The following RHOBTB3 variants were observed in gnomAD, a reference collection of about 807,000 sequenced individuals.
RHOBTB3 encodes the protein rho-related BTB domain-containing protein 3.
In RHOBTB3, 47 loss-of-function variants were observed where a neutral mutation model predicts 67.2. That is an observed-to-expected ratio of 0.70 (90% CI 0.55 to 0.89). RHOBTB3 has a LOEUF of 0.89. Ranked by LOEUF, RHOBTB3 falls within the 40% of genes least tolerant of loss-of-function variation. RHOBTB3 has a pLI of 0.00. For missense variants in RHOBTB3, 631 were observed against 750.0 expected (o/e 0.84, Z 1.85); for synonymous variants, 273 against 274.2 (o/e 1.00, Z 0.04).
chr5:95,746,016 A>G (rs1400326090), intron 3 of RHOBTB3, among the ~76,000 whole-genome samples: 7 of 152,204 alleles, frequency 4.6e-5, no homozygotes, highest in Non-Finnish European at 7.3e-5. Flanking sequence ...GATAAAGGGT[A>G]GGTAGCTAAG....
chr5:95,783,732 GGTGTTTA>G, intron 9 of RHOBTB3, 58 bp from the exon 10 acceptor site: 1 of 1,351,314 alleles, frequency 7.4e-7, no homozygotes, highest in Non-Finnish European at 1.0e-6. Flanking sequence ...GTTGGTGGGG[GGTGTTTA>G]GATCATTAAA....
At chr5:95,729,733 T>G (rs1272704089), upstream of RHOBTB3, among the ~76,000 whole-genome samples, 1 of 152,214 alleles carries the variant, frequency 6.6e-6, no homozygotes, top group Non-Finnish European at 1.5e-5. Context: ...TCTAAGAGTT[T>G]GACTACTTTA....
chr5:95,732,934 C>T (rs1478766045), intron 2 of RHOBTB3, among the ~76,000 whole-genome samples: 2 of 151,978 alleles, frequency 1.3e-5, no homozygotes, highest in Non-Finnish European at 2.9e-5. Context: ...TATGTTTCAG[C>T]TAAATGTTAC....
chr5:95,729,543 T>C (rs912295829), upstream of RHOBTB3, among the ~76,000 whole-genome samples: 16 of 152,368 alleles, frequency 1.1e-4, no homozygotes, highest in African/African-American at 2.6e-4. Flanking sequence ...CTCTAGTGTT[T>C]AGTTAACAAT....
intron 9 of RHOBTB3, among the ~76,000 whole-genome samples, chr5:95,780,865 T>TGA (rs1040933526): frequency 3.3e-5 from 5 of 152,328 alleles, no homozygotes; most frequent in African/African-American, 1.2e-4. Context: ...TTCAATATTC[T>TGA]GAGACTTTTT....
At chr5:95,789,839 T>G (rs1260498806) in intron 11 of RHOBTB3, among the ~76,000 whole-genome samples, 1 of 152,216 alleles carries the variant, frequency 6.6e-6, no homozygotes, top group Non-Finnish European at 1.5e-5. Flanking sequence ...TAAAAAAGAC[T>G]CTGCTGGTAA....
intron 8 of RHOBTB3, among the ~76,000 whole-genome samples, chr5:95,773,137 A>G (rs1244417765): frequency 2.0e-5 from 3 of 152,236 alleles, no homozygotes; most frequent in East Asian, 3.8e-4. Flanking sequence ...GTCATATTAA[A>G]AAAGAGAGAT....
At chr5:95,767,783 G>A (rs1745591587) in intron 7 of RHOBTB3, 1 of 701,708 alleles carries the variant, frequency 1.4e-6, no homozygotes, top group African/African-American at 1.7e-5. Flanking sequence ...GGACCTTGCA[G>A]CTTCTCAGCA....
At chr5:95,726,963 C>T (rs1046593455), upstream of RHOBTB3, among the ~76,000 whole-genome samples, 3 of 151,928 alleles carry the variant, frequency 2.0e-5, no homozygotes, top group African/African-American at 4.8e-5. Flanking sequence ...TTCGTTTCCC[C>T]CCTTTTTTTT....
At chr5:95,753,094 T>A (rs1271627687) in intron 5 of RHOBTB3, among the ~76,000 whole-genome samples, 2 of 151,790 alleles carry the variant, frequency 1.3e-5, no homozygotes, top group Non-Finnish European at 2.9e-5. Context: ...ATTGTGCCAC[T>A]GCACTGCACT....
Position 95,783,583 on chromosome 5 carries a change from AAAG to A in RHOBTB3, c.1457-202_1457-200del, listed in dbSNP as rs1393367233. 233 of 241,140 alleles carry A rather than the reference AAAG, an allele frequency of 9.7e-4. 1 individual carries two copies. The highest frequency in any genetic ancestry group is 5.1e-3 in the African/African-American group (206 of 40,492). The allele number at this position is 241,140 out of a possible 1,614,324, so 14.9% of individuals were successfully genotyped here. A position where few individuals can be genotyped will look rare whatever the true frequency, so the allele number is the denominator to read the frequency against. ...CTACAAAAAAAAAAAAAAAAAAAAA[AAAG>A]AAGAAGAAGAAAGGAAAGAAAAAAA... On this transcript the variant is annotated intron_variant, in intron 9 of 11. Coordinates refer to ENST00000379982, the MANE Select transcript of RHOBTB3 (RefSeq NM_014899.4).
intron 2 of RHOBTB3, among the ~76,000 whole-genome samples, chr5:95,733,926 C>T (rs555885866): frequency 6.6e-6 from 1 of 152,188 alleles, no homozygotes; most frequent in East Asian, 1.9e-4. Flanking sequence ...TCCCACATTG[C>T]CATTTCAGGT....
At chr5:95,754,116 G>C (rs1158426595) in intron 5 of RHOBTB3, among the ~76,000 whole-genome samples, 1 of 152,032 alleles carries the variant, frequency 6.6e-6, no homozygotes, top group African/African-American at 2.4e-5. Flanking sequence ...GAAAAGAAAA[G>C]AAAAATCTCT....
At chr5:95,758,452 G>A (rs778739211) in intron 6 of RHOBTB3, among the ~76,000 whole-genome samples, 22 of 152,346 alleles carry the variant, frequency 1.4e-4, no homozygotes, top group Non-Finnish European at 2.8e-4. Flanking sequence ...TAGAGTGAAA[G>A]GTGATGGCTG....
chr5:95,745,318 A>G (rs935876941), intron 3 of RHOBTB3, among the ~76,000 whole-genome samples: 10 of 152,096 alleles, frequency 6.6e-5, no homozygotes, highest in Admixed American at 5.2e-4. Flanking sequence ...ATTTTTGACA[A>G]CTTTGACCCT....
chr5:95,770,612 CT>C, intron 8 of RHOBTB3: 1 of 471,368 alleles, frequency 2.1e-6, no homozygotes, highest in Non-Finnish European at 4.3e-6. Flanking sequence ...TGGGTGGCTT[CT>C]CCATTAATTA....
At chr5:95,766,946 C>T (rs558963713) in intron 7 of RHOBTB3, among the ~76,000 whole-genome samples, 132 of 152,180 alleles carry the variant, frequency 8.7e-4, no homozygotes, top group South Asian at 3.1e-3. Context: ...CAGCTGGGCC[C>T]GGTGGCTCAC....
intron 7 of RHOBTB3, 57 bp from the exon 8 acceptor site, chr5:95,767,989 A>T: frequency 1.3e-6 from 2 of 1,538,080 alleles, no homozygotes; most frequent in Non-Finnish European, 1.8e-6. Context: ...AGCCTAGCCT[A>T]TATGTTATCA....
chr5:95,774,153 AT>A (rs531662751), intron 8 of RHOBTB3, among the ~76,000 whole-genome samples: 3 of 152,132 alleles, frequency 2.0e-5, no homozygotes, highest in African/African-American at 4.8e-5. Context: ...TATTATGAAC[AT>A]TTTTTTTAGA....
Sources: gnomAD v4.1 joint callset for allele counts (sites outside exome capture counted in the v4.1 genomes callset) on GRCh38, gnomAD v4.1.1 for gene constraint, MANE v1.5 for transcripts, NCBI Gene and HGNC (gene_info 2026-07-23, HGNC 2026-07-21) for gene names.